The following ALK variants were observed in gnomAD, a reference collection of about 807,000 sequenced individuals.
ALK encodes the protein ALK receptor tyrosine kinase.
A neutral mutation model predicts 163.1 loss-of-function variants in ALK; 74 were observed. The observed-to-expected ratio is 0.45, with a 90% CI of 0.38 to 0.55. ALK has a LOEUF of 0.55. Ranked by LOEUF, ALK falls within the 20% of genes least tolerant of loss-of-function variation. ALK has a pLI of 0.00. For synonymous variants in ALK, 960 were observed against 843.2 expected (o/e 1.14, Z -2.40); for missense variants, 2,063 against 2,105.3 (o/e 0.98, Z 0.39).
At chr2:29,905,643 G>A (rs1166890445) in intron 1 of ALK, among the ~76,000 whole-genome samples, 4 of 151,506 alleles carry the variant, frequency 2.6e-5, no homozygotes, top group East Asian at 3.9e-4. Context: ...AGGGAGAGAG[G>A]GAGGGAAGGA....
At chr2:29,500,988 A>G (rs1015402770) in intron 4 of ALK, among the ~76,000 whole-genome samples, 1 of 152,132 alleles carries the variant, frequency 6.6e-6, no homozygotes, top group Non-Finnish European at 1.5e-5. Flanking sequence ...TGCTTCCTGC[A>G]TTGCTGAGAA....
At chr2:29,573,958 A>T (rs2148192378) in intron 3 of ALK, among the ~76,000 whole-genome samples, 1 of 152,292 alleles carries the variant, frequency 6.6e-6, no homozygotes, top group African/African-American at 2.4e-5. Flanking sequence ...AATAAAAAGG[A>T]GAGAGAGATG....
At position 29,887,847 on chromosome 2, in the gene ALK, C is replaced by T. The variant is rs144590098; in HGVS notation, c.667+32146G>A. On this transcript the variant is annotated intron_variant, in intron 1 of 28. Coordinates refer to ENST00000389048, the MANE Select transcript of ALK (RefSeq NM_004304.5). ...TTAAAACTCAGACAGCCAATCTTTTCTTGTGCTTACTGGAAGGACTGCTAT... is the reference window on the plus strand; with the variant it reads ...TTAAAACTCAGACAGCCAATCTTTTTTTGTGCTTACTGGAAGGACTGCTAT... Among the ~76,000 whole-genome samples, 423 of 152,294 alleles carry T rather than the reference C, an allele frequency of 2.8e-3. 2 individuals are homozygous for T. Among genetic ancestry groups the T allele is most frequent in the African/African-American group, 9.4e-3 (390 of 41,564 alleles).
intron 5 of ALK, among the ~76,000 whole-genome samples, chr2:29,337,443 C>T (rs1667651247): frequency 6.6e-6 from 1 of 152,166 alleles, no homozygotes; most frequent in Admixed American, 6.5e-5. Context: ...TGTTTGTAAA[C>T]CCTCTAAAGC....
At chr2:29,720,693 C>A (rs1679395802) in intron 1 of ALK, among the ~76,000 whole-genome samples, 2 of 152,216 alleles carry the variant, frequency 1.3e-5, no homozygotes, top group Non-Finnish European at 2.9e-5. Flanking sequence ...GAACAAAATA[C>A]TTCTGCATTT....
chr2:29,650,881 C>T (rs1308608616), intron 3 of ALK, among the ~76,000 whole-genome samples: 1 of 152,112 alleles, frequency 6.6e-6, no homozygotes, highest in Non-Finnish European at 1.5e-5. Flanking sequence ...CTTGAAGCTG[C>T]AACAGCTGCA....
At chr2:29,400,164 A>AT in intron 4 of ALK, among the ~76,000 whole-genome samples, 1 of 151,910 alleles carries the variant, frequency 6.6e-6, no homozygotes, top group Admixed American at 6.6e-5. Context: ...CATTTAAAAG[A>AT]TTTTTTTTCG....
intron 4 of ALK, among the ~76,000 whole-genome samples, chr2:29,444,463 T>C (rs769662011): frequency 5.3e-5 from 8 of 152,054 alleles, no homozygotes; most frequent in Admixed American, 1.3e-4. Flanking sequence ...CAGATGAGGA[T>C]TGAACAAAGG....
chr2:29,474,575 G>A (rs1436065693), intron 4 of ALK, among the ~76,000 whole-genome samples: 1 of 152,118 alleles, frequency 6.6e-6, no homozygotes, highest in Non-Finnish European at 1.5e-5. Context: ...TTTTCCAAAC[G>A]CCAAAGTTGT....
At chr2:29,408,813 A>G (rs1046887772) in intron 4 of ALK, among the ~76,000 whole-genome samples, 8 of 152,182 alleles carry the variant, frequency 5.3e-5, no homozygotes, top group Non-Finnish European at 1.2e-4. Context: ...GACCTTTCTG[A>G]GATTGCTGCC....
At chr2:29,379,773 T>C (rs1668849574) in intron 5 of ALK, among the ~76,000 whole-genome samples, 1 of 152,202 alleles carries the variant, frequency 6.6e-6, no homozygotes, top group Non-Finnish European at 1.5e-5. Flanking sequence ...GGGAGACCAG[T>C]TGGCTGCTGC....
At chr2:29,739,815 C>T (rs1165495174) in intron 1 of ALK, among the ~76,000 whole-genome samples, 1 of 152,054 alleles carries the variant, frequency 6.6e-6, no homozygotes, top group African/African-American at 2.4e-5. Flanking sequence ...ACTCCCCAAA[C>T]CCCCATTAGA....
intron 4 of ALK, among the ~76,000 whole-genome samples, chr2:29,469,664 T>A (rs1671299563): frequency 6.6e-6 from 1 of 152,144 alleles, no homozygotes; most frequent in South Asian, 2.1e-4. Flanking sequence ...AAATTCCCAC[T>A]CATCATCCCC....
intron 1 of ALK, among the ~76,000 whole-genome samples, chr2:29,820,103 C>A (rs1000972871): frequency 2.0e-5 from 3 of 152,204 alleles, no homozygotes; most frequent in Non-Finnish European, 2.9e-5. Context: ...CCAGCCTTAG[C>A]GACTATCTTC....
At chr2:29,208,649 G>T (rs1474432090) in intron 25 of ALK, among the ~76,000 whole-genome samples, 1 of 152,140 alleles carries the variant, frequency 6.6e-6, no homozygotes, top group South Asian at 2.1e-4. Context: ...CCCCTGTGGG[G>T]ACTGTTACCA....
intron 1 of ALK, among the ~76,000 whole-genome samples, chr2:29,894,584 T>C (rs1667222647): frequency 6.6e-6 from 1 of 152,008 alleles, no homozygotes; most frequent in Non-Finnish European, 1.5e-5. Context: ...GATAACTTAG[T>C]AAATTAGTGG....
chr2:29,505,237 G>T (rs1672286298), intron 4 of ALK, among the ~76,000 whole-genome samples: 1 of 152,142 alleles, frequency 6.6e-6, no homozygotes, highest in Non-Finnish European at 1.5e-5. Flanking sequence ...CACCCTGATG[G>T]GTTGCCTGGG....
chr2:29,605,034 A>G (rs1221036895), intron 3 of ALK, among the ~76,000 whole-genome samples: 1 of 152,244 alleles, frequency 6.6e-6, no homozygotes, highest in African/African-American at 2.4e-5. Context: ...TGAAAGCAAT[A>G]ATCTACAGTC....
At position 29,193,487 on chromosome 2, in the gene ALK, C is replaced by G. The variant is rs1453682751; in HGVS notation, c.4600G>C (p.Gly1534Arg). 1 of 1,614,156 alleles carries G rather than the reference C, an allele frequency of 6.2e-7. No individual in the cohort carries two copies. Among genetic ancestry groups the G allele is most frequent in the East Asian group, 2.2e-5 (1 of 44,882 alleles). ...GGGACAGTACAGCTTCCCTCCAGCC[C>G]CAGGTTACCCCTGTCGTGTGGCTCC... ...KKEPHDRGNL[G>R]LEGSCTVPPN... is the part of the protein sequence containing the mutation. The change falls in exon 29 of 29, where the codon GGG becomes CGG. Residue 1534 changes from glycine (G) to arginine (R), a missense_variant. Physicochemically the swap from Gly to Arg is moderately radical, Grantham distance 125 (BLOSUM62 -2). Around this residue, in one of 5 missense-constraint regions of ALK, gnomAD observed 403 missense variants for 366.2 expected, o/e 1.10. Transcript: ENST00000389048.
Sources: allele counts gnomAD v4.1 joint callset (sites outside exome capture counted in the v4.1 genomes callset), GRCh38; gene constraint gnomAD v4.1.1; regional missense constraint gnomAD v4.1.1; transcripts MANE v1.5; gene names NCBI Gene and HGNC (gene_info 2026-07-23, HGNC 2026-07-21).